Variants in ZNF404 observed in about 807,000 individuals in gnomAD.
ZNF404 encodes zinc finger protein 404.
ZNF404 carries 7 observed loss-of-function variants against 7.3 expected under a neutral mutation model. The ratio of observed to expected loss-of-function variants is 0.95; its 90% CI spans 0.54 to 1.79. The LOEUF (loss-of-function observed/expected upper bound fraction) is 1.79, where lower values mean the gene tolerates loss of function less well. Ranked by LOEUF, ZNF404 falls within the 40% of genes most tolerant of loss-of-function variation. The probability of loss-of-function intolerance (pLI) is 0.00; values close to 1 mark genes in which losing one functional copy is unlikely to be tolerated. For missense variants in ZNF404, 560 were observed against 661.5 expected, an observed-to-expected ratio of 0.85 and a Z score of 1.68; for synonymous variants, 191 against 209.9, an observed-to-expected ratio of 0.91 and a Z score of 0.78.
intron 2 of ZNF404, among the ~76,000 whole-genome samples, chr19:43,875,689 G>A (rs1343622364): frequency 6.6e-6 from 1 of 152,116 alleles, no homozygotes; most frequent in East Asian, 1.9e-4. Flanking sequence ...GTCAAGTATT[G>A]AAAACAAGTG....
In ZNF404 at chr19:43,873,990, C is replaced by A. The variant is rs766202669; in HGVS notation, c.224G>T (p.Arg75Ile). 1.2e-6 allele frequency: 2 copies of A among 1,612,094 alleles called. No homozygotes were observed. Among genetic ancestry groups the A allele is most frequent in the African/African-American group, 1.3e-5 (1 of 74,778 alleles). Residue 75 changes from arginine to isoleucine, a missense_variant, in exon 3 of 3, where the codon AGA becomes ATA. Coordinates refer to ENST00000587539, the MANE Select transcript of ZNF404 (RefSeq NM_001033719.3). ...VNAYHQETWK[R>I]NKTFNLMRFI... Reference sequence around the variant, plus strand: ...CCTCATAAGGTTGAAGGTTTTATTTCTTTTCCATGTCTCCTGATGGTACGC... The same window carrying A: ...CCTCATAAGGTTGAAGGTTTTATTTATTTTCCATGTCTCCTGATGGTACGC...
At chr19:43,877,590 T>A (rs1055689709) in intron 2 of ZNF404, among the ~76,000 whole-genome samples, 1 of 151,854 alleles carries the variant, frequency 6.6e-6, no homozygotes, top group African/African-American at 2.4e-5. Context: ...TTATTTATTT[T>A]TTATTATTAT....
intron 2 of ZNF404, among the ~76,000 whole-genome samples, chr19:43,879,805 G>C (rs1277249411): frequency 6.6e-6 from 1 of 152,198 alleles, no homozygotes; most frequent in Non-Finnish European, 1.5e-5. Context: ...ATAAAGGCAA[G>C]TGAAGAATAG....
rs201850953 is a variant in ZNF404 at position 43,872,697 on chromosome 19, C to A, written c.1517G>T (p.Arg506Leu). ...CTCATGTTGAGTAAGTCGATCACTG[C>A]GATTAAAGGCCTTATCACATTCTTT... ...ECKECDKAFN[R>L]SDRLTQHETI... The change falls in exon 3 of 3, where the codon CGC (arginine) becomes CTC (leucine). Residue 506 changes from arginine to leucine, a missense_variant. Physicochemically the swap from Arg to Leu is moderately radical, Grantham distance 102. Coordinates refer to ENST00000587539, the MANE Select transcript of ZNF404 (RefSeq NM_001033719.3). This position sits in a 1 kb window ranked among gnomAD's most constrained non-coding sequence, Gnocchi z 4.4. 1 of 1,613,142 alleles carries A rather than the reference C, an allele frequency of 6.2e-7. No individual in the cohort carries two copies. Among genetic ancestry groups the A allele is most frequent in the African/African-American group, 1.3e-5 (1 of 74,886 alleles).
Position 43,874,940 on chromosome 19 carries a change from A to G in ZNF404, c.137-863T>C, listed in dbSNP as rs375732229. Among the ~76,000 whole-genome samples the G allele has an allele frequency of 5.1e-4, 78 of 152,306 alleles. 1 individual carries two copies. The East Asian group carries it at 0.014, about 27-fold the overall frequency. Reference sequence around the variant, plus strand: ...ATGTTGAGTTAAAAATGTAAACTGGATGAAAATAAAGGTCATTGGAAAAGA... The same window carrying G: ...ATGTTGAGTTAAAAATGTAAACTGGGTGAAAATAAAGGTCATTGGAAAAGA... On this transcript the variant is annotated intron_variant, in intron 2 of 2. Coordinates refer to ENST00000587539, the MANE Select transcript of ZNF404 (RefSeq NM_001033719.3).
intron 1 of ZNF404, among the ~76,000 whole-genome samples, chr19:43,882,669 T>C (rs983259453): frequency 6.6e-6 from 1 of 151,968 alleles, no homozygotes; most frequent in African/African-American, 2.4e-5. Flanking sequence ...CTTATGCCTG[T>C]AATCTCAGCA....
intron 1 of ZNF404, among the ~76,000 whole-genome samples, chr19:43,883,675 A>G (rs1834846893): frequency 1.3e-5 from 2 of 152,214 alleles, no homozygotes; most frequent in Non-Finnish European, 2.9e-5. Flanking sequence ...CGGCAGCTCA[A>G]CTATTTCAAG....
chr19:43,880,530 C>T (rs1971887342), intron 1 of ZNF404, among the ~76,000 whole-genome samples: 1 of 152,110 alleles, frequency 6.6e-6, no homozygotes, highest in Non-Finnish European at 1.5e-5. Context: ...ATAACTACCC[C>T]CTCCCCCAAT....
rs751274506 is a variant in ZNF404, at chr19:43,872,939, G to A, written c.1275C>T (p.Asp425=). The A allele has an allele frequency of 1.6e-5, 25 of 1,607,318 alleles. No homozygotes were observed. The Admixed American group carries it at 4.3e-4, about 27-fold the overall frequency. Residue 425 remains aspartate, a synonymous_variant, in exon 3 of 3, where the codon GAC becomes GAT. Transcript: ENST00000587539. This position sits in a 1 kb window ranked among gnomAD's most constrained non-coding sequence, Gnocchi z 4.4. ...QCGKAFSRVG[D]LKTHQSIHAG... ...CATGAATTGATTGATGTGTCTTAAG[G>A]TCTCCAACACGACTGAAGGCTTTCC...
chr19:43,882,963 T>C (rs997052806), intron 1 of ZNF404, among the ~76,000 whole-genome samples: 3 of 151,920 alleles, frequency 2.0e-5, no homozygotes, highest in Non-Finnish European at 2.9e-5. Flanking sequence ...TTGCTGGGCA[T>C]GGTGGCAGGT....
chr19:43,876,110 G>T (rs1312952572), intron 2 of ZNF404, among the ~76,000 whole-genome samples: 3 of 152,094 alleles, frequency 2.0e-5, no homozygotes, highest in Admixed American at 1.3e-4. Context: ...GATTGTTTGA[G>T]GCCAAGAGTT....
At chr19:43,882,783 C>G (rs1197721433) in intron 1 of ZNF404, among the ~76,000 whole-genome samples, 16 of 147,336 alleles carry the variant, frequency 1.1e-4, no homozygotes. Context: ...AGAGCAAGAC[C>G]CCATCTCTAA....
Position 43,872,451 on chromosome 19 carries a change from C to T in ZNF404, c.*104G>A. ...TAAGCAAATACGATGTGCCAGATGCCTTTCCAAGTATTTATATTCTATATT... is the reference window on the plus strand; with the variant it reads ...TAAGCAAATACGATGTGCCAGATGCTTTTCCAAGTATTTATATTCTATATT... On this transcript the variant is annotated 3_prime_UTR_variant, in exon 3 of 3. Transcript: ENST00000587539. This position sits in a 1 kb window ranked among gnomAD's most constrained non-coding sequence, Gnocchi z 4.4. The T allele has an allele frequency of 1.1e-6, 1 of 880,474 alleles. No individual in the cohort carries two copies. Among genetic ancestry groups the T allele is most frequent in the Non-Finnish European group, 1.6e-6 (1 of 616,160 alleles). 54.5% of individuals were successfully genotyped at this position (880,474 alleles called of 1,614,324 possible).
At chr19:43,880,767 C>A (rs910634165) in intron 1 of ZNF404, among the ~76,000 whole-genome samples, 3 of 152,138 alleles carry the variant, frequency 2.0e-5, no homozygotes, top group African/African-American at 7.2e-5. Context: ...GGAGCGGGAA[C>A]CTAAGCAAAG....
Position 43,873,379 on chromosome 19 carries a change from C to G in ZNF404, c.835G>C (p.Ala279Pro), listed in dbSNP as rs772727273. ...TAAAGACTTGAACGATGACCAAAAG[C>G]CTTTCCACATTCTTTACATTTGTAG... ...KPYKCKECGK[A>P]FGHRSSLYQH... Residue 279 changes from alanine (A) to proline (P), a missense_variant, in exon 3 of 3, where the codon GCT (alanine) becomes CCT (proline). Transcript: ENST00000587539. 21 of 1,613,128 alleles carry G rather than the reference C, an allele frequency of 1.3e-5. No homozygotes were observed. The highest frequency in any genetic ancestry group is 2.7e-5 in the African/African-American group (2 of 74,884).
intron 1 of ZNF404, among the ~76,000 whole-genome samples, chr19:43,881,019 C>T (rs1971890978): frequency 6.6e-6 from 1 of 152,166 alleles, no homozygotes; most frequent in South Asian, 2.1e-4. Context: ...GCAGAAAAGG[C>T]ATCTGACAAA....
intron 2 of ZNF404, among the ~76,000 whole-genome samples, chr19:43,877,224 C>A (rs1295398226): frequency 6.6e-6 from 1 of 151,796 alleles, no homozygotes. Flanking sequence ...GAAAGTAAAA[C>A]AATAACAACA....
At position 43,883,944 on chromosome 19, in the gene ZNF404, A is replaced by G. The variant is rs528209756; in HGVS notation, c.9+12T>C. ...ACAATAAGTCAGAAAAGCAAAAGAGACATCAACTCACCCGGGCCATGGTTT... is the reference window on the plus strand; with the variant it reads ...ACAATAAGTCAGAAAAGCAAAAGAGGCATCAACTCACCCGGGCCATGGTTT... On this transcript the variant is annotated intron_variant, in intron 1 of 2. Transcript: ENST00000587539. 1.3e-4 allele frequency: 215 copies of G among 1,599,082 alleles called. 2 individuals carry two copies. The South Asian group carries it at 2.3e-3, about 17-fold the overall frequency.
rs1370784699 is a variant in ZNF404, at chr19:43,873,997, A to G, written c.217T>C (p.Trp73Arg). The G allele has an allele frequency of 5.6e-6, 9 of 1,609,648 alleles. No individual in the cohort carries two copies. In the East Asian group the frequency reaches 1.6e-4, roughly 28 times the overall value. Residue 73 changes from tryptophan (W) to arginine (R), a missense_variant, in exon 3 of 3, where the codon TGG (tryptophan) becomes CGG (arginine). Physicochemically the swap from Trp to Arg is moderately radical, Grantham distance 101 (BLOSUM62 -3). Coordinates refer to ENST00000587539, the MANE Select transcript of ZNF404 (RefSeq NM_001033719.3). ...AGGTTGAAGGTTTTATTTCTTTTCC[A>G]TGTCTCCTGATGGTACGCATTTACT... ...YEVNAYHQET[W>R]KRNKTFNLMR...
Sources: allele counts gnomAD v4.1 joint callset (sites outside exome capture counted in the v4.1 genomes callset), GRCh38; gene constraint gnomAD v4.1.1; non-coding constraint Gnocchi (gnomAD v3.1); transcripts MANE v1.5; gene names NCBI Gene and HGNC (gene_info 2026-07-23, HGNC 2026-07-21).